Variants in SPINK6 observed in about 807,000 individuals in gnomAD.
SPINK6 encodes the protein serine protease inhibitor Kazal-type 6.
In SPINK6, 13 loss-of-function variants were observed where a neutral mutation model predicts 11.7. That is an observed-to-expected ratio of 1.11 (90% CI 0.72 to 1.76). SPINK6 has a LOEUF of 1.76. SPINK6 is among the 40% of genes most tolerant of loss of function. SPINK6 has a pLI of 0.00. For missense variants in SPINK6, 98 were observed against 93.7 expected, an observed-to-expected ratio of 1.05 and a Z score of -0.19; for synonymous variants, 21 against 31.9, an observed-to-expected ratio of 0.66 and a Z score of 1.15.
chr5:148,213,272 C>T (rs577647865), intron 2 of SPINK6, among the ~76,000 whole-genome samples: 39 of 152,064 alleles, frequency 2.6e-4, no homozygotes, highest in African/African-American at 7.7e-4. Flanking sequence ...AGTGCGGTGG[C>T]GCGATCTGGG....
intron 2 of SPINK6, among the ~76,000 whole-genome samples, chr5:148,207,929 A>G (rs1755521752): frequency 6.6e-6 from 1 of 152,176 alleles, no homozygotes; most frequent in South Asian, 2.1e-4. Flanking sequence ...GCATCATGCA[A>G]GACATTGAAT....
chr5:148,214,851 T>C, intron 3 of SPINK6, 54 bp from the exon 4 acceptor site: 2 of 1,377,402 alleles, frequency 1.5e-6, no homozygotes, highest in Non-Finnish European at 1.0e-6. Flanking sequence ...AGAACTTCTA[T>C]GGTGAGTACT....
chr5:148,209,973 T>C (rs1441662507), intron 2 of SPINK6, among the ~76,000 whole-genome samples: 1 of 141,634 alleles, frequency 7.1e-6, no homozygotes. Flanking sequence ...CATACATACG[T>C]ACGTATGTAT....
At chr5:148,209,645 C>T (rs80234648) in intron 2 of SPINK6, among the ~76,000 whole-genome samples, 1,986 of 151,838 alleles carry the variant, frequency 0.013, 48 homozygotes, top group African/African-American at 0.046. Context: ...CTCACCCAGC[C>T]GAAATTAAGG....
intron 1 of SPINK6, 94 bp from the exon 2 acceptor site, chr5:148,205,942 C>T: frequency 1.6e-6 from 2 of 1,278,754 alleles, no homozygotes; most frequent in Non-Finnish European, 2.3e-6. Flanking sequence ...TAGCCAAGTA[C>T]CAGGAGTAGA....
intron 2 of SPINK6, among the ~76,000 whole-genome samples, chr5:148,210,586 T>C (rs1755584919): frequency 6.6e-6 from 1 of 151,844 alleles, no homozygotes; most frequent in African/African-American, 2.4e-5. Context: ...TATGGGAAAT[T>C]ATATGTCATT....
intron 2 of SPINK6, among the ~76,000 whole-genome samples, chr5:148,209,880 G>C (rs1755547067): frequency 1.2e-5 from 1 of 84,512 alleles, no homozygotes; most frequent in South Asian, 4.5e-4. Flanking sequence ...TACAAAACTA[G>C]TTTGAAAGAA....
chr5:148,209,991 T>TACACTCGTACGTATGTATGTATAC (rs1398978551), intron 2 of SPINK6, among the ~76,000 whole-genome samples: 1 of 145,404 alleles, frequency 6.9e-6, no homozygotes, highest in Non-Finnish European at 1.5e-5. Context: ...TATGTATACA[T>TACACTCGTACGTATGTATGTATAC]ATACACGTAT....
At position 148,213,905 on chromosome 5, in the gene SPINK6, G is replaced by T; in HGVS notation, c.82-5G>T. 1 of 1,473,942 alleles carries T rather than the reference G, an allele frequency of 6.8e-7. No homozygotes were observed. The highest frequency in any genetic ancestry group is 9.5e-7 in the Non-Finnish European group (1 of 1,050,504). The allele number at this position is 1,473,942 out of a possible 1,614,324, so 91.3% of individuals were successfully genotyped here. ...ATGTCAATGTCACTCTGCTTACTTTGGTAGGTTGACTGTGGTGAGTTCCAG... is the reference window on the plus strand; with the variant it reads ...ATGTCAATGTCACTCTGCTTACTTTTGTAGGTTGACTGTGGTGAGTTCCAG... On this transcript the variant is annotated splice_region_variant and splice_polypyrimidine_tract_variant and intron_variant, in intron 2 of 3. Transcript: ENST00000325630.
chr5:148,211,212 C>G (rs1273578136), intron 2 of SPINK6, among the ~76,000 whole-genome samples: 2 of 152,112 alleles, frequency 1.3e-5, no homozygotes, highest in African/African-American at 4.8e-5. Flanking sequence ...TTAGAAGGCT[C>G]TCTAAAATTA....
chr5:148,211,995 C>A (rs1755604846), intron 2 of SPINK6, among the ~76,000 whole-genome samples: 1 of 152,138 alleles, frequency 6.6e-6, no homozygotes, highest in African/African-American at 2.4e-5. Flanking sequence ...CTTCATTCCA[C>A]ACAGATATAT....
intron 2 of SPINK6, among the ~76,000 whole-genome samples, chr5:148,212,583 AAATATAT>A (rs1169861907): frequency 9.8e-6 from 1 of 102,116 alleles, no homozygotes; most frequent in East Asian, 2.9e-4. Context: ...TATATTATAT[AAATATAT>A]TTTATATAAT....
At chr5:148,204,009 G>C (rs1283319710) in intron 1 of SPINK6, among the ~76,000 whole-genome samples, 1 of 152,016 alleles carries the variant, frequency 6.6e-6, no homozygotes, top group Non-Finnish European at 1.5e-5. Context: ...AATTTTCTGA[G>C]ATATTTTGTC....
intron 2 of SPINK6, among the ~76,000 whole-genome samples, chr5:148,210,823 T>C (rs1333393032): frequency 3.3e-5 from 5 of 152,098 alleles, no homozygotes; most frequent in Non-Finnish European, 7.4e-5. Context: ...TTCTGTATTT[T>C]TGAAAGCAGT....
chr5:148,209,417 T>C lies in SPINK6; in HGVS notation c.81+3359T>C, dbSNP rs575394234. On this transcript the variant is annotated intron_variant, in intron 2 of 3. Transcript: ENST00000325630. ...GTGAAAGAGCTTTGAGCAGTACAAT[T>C]TCTTAAGCAAATATAAGGTAGTGAT... 1.3e-4 allele frequency among the ~76,000 whole-genome samples: 20 copies of C among 152,286 alleles called. No individual in the cohort carries two copies. In the East Asian group the frequency reaches 3.1e-3, roughly 24 times the overall value.
intron 2 of SPINK6, among the ~76,000 whole-genome samples, chr5:148,209,657 G>T: frequency 6.6e-6 from 1 of 152,162 alleles, no homozygotes; most frequent in Admixed American, 6.5e-5. Context: ...AAATTAAGGA[G>T]ATAAAAACTT....
chr5:148,212,507 AT>A (rs1455492819), intron 2 of SPINK6, among the ~76,000 whole-genome samples: 1 of 128,370 alleles, frequency 7.8e-6, no homozygotes, highest in African/African-American at 3.1e-5. Flanking sequence ...TAAAGTATAT[AT>A]TTTATATATA....
chr5:148,212,246 C>A (rs577798931), intron 2 of SPINK6, among the ~76,000 whole-genome samples: 1 of 151,744 alleles, frequency 6.6e-6, no homozygotes, highest in East Asian at 1.9e-4. Context: ...AACAATAGTG[C>A]AACCTTAGAA....
intron 1 of SPINK6, among the ~76,000 whole-genome samples, chr5:148,205,779 T>G (rs1395590995): frequency 1.3e-5 from 2 of 151,972 alleles, no homozygotes; most frequent in Non-Finnish European, 2.9e-5. Flanking sequence ...CTTAATCCAT[T>G]TTTTTTCTAC....
Sources: allele counts gnomAD v4.1 joint callset (sites outside exome capture counted in the v4.1 genomes callset), GRCh38; gene constraint gnomAD v4.1.1; transcripts MANE v1.5; gene names NCBI Gene and HGNC (gene_info 2026-07-23, HGNC 2026-07-21).